Variants in ZNF267 observed in about 807,000 individuals in gnomAD.
ZNF267 encodes zinc finger protein 267.
In ZNF267, 61 loss-of-function variants were observed where a neutral mutation model predicts 71.6. That is an observed-to-expected ratio of 0.85 (90% CI 0.69 to 1.05). The LOEUF (loss-of-function observed/expected upper bound fraction) is 1.05, where lower values mean the gene tolerates loss of function less well. ZNF267 is among the 50% of genes least tolerant of loss of function. ZNF267 has a pLI of 0.00. For synonymous variants in ZNF267, 288 were observed against 293.2 expected, an observed-to-expected ratio of 0.98 and a Z score of 0.18; for missense variants, 852 against 870.0, an observed-to-expected ratio of 0.98 and a Z score of 0.26.
At chr16:31,911,933 A>G (rs558283414) in intron 3 of ZNF267, 1 of 151,728 alleles carries the variant, frequency 6.6e-6, no homozygotes, top group South Asian at 2.1e-4. Context: ...ATAAGCAATA[A>G]GAAAACTAGT....
chr16:31,901,380 A>G (rs1596624426), intron 3 of ZNF267, among the ~76,000 whole-genome samples: 2 of 152,330 alleles, frequency 1.3e-5, no homozygotes, highest in East Asian at 3.9e-4. Flanking sequence ...CGCCACACCA[A>G]CTTTCACAAT....
Position 31,916,887 on chromosome 16 carries a change from CACAG to C in ZNF267, c.*410_*413del, listed in dbSNP as rs1207076443. 11 of 170,138 alleles carry C rather than the reference CACAG, an allele frequency of 6.5e-5. No homozygotes were observed. Among genetic ancestry groups the C allele is most frequent in the Admixed American group, 5.5e-4 (10 of 18,118 alleles). The allele number at this position is 170,138 out of a possible 1,614,324, so 10.5% of individuals were successfully genotyped here. On this transcript the variant is annotated 3_prime_UTR_variant, in exon 4 of 4. Coordinates refer to ENST00000300870, the MANE Select transcript of ZNF267 (RefSeq NM_003414.6). The stretch of plus-strand genomic sequence containing the variant: ...GAATTTATGTGAGAAAGGACTAAAG[CACAG>C]ACACTTTCAGCCTTTATACTAAATA...
intron 3 of ZNF267, among the ~76,000 whole-genome samples, chr16:31,900,753 C>G (rs1016493025): frequency 7.8e-5 from 6 of 76,994 alleles, no homozygotes; most frequent in Non-Finnish European, 1.9e-4. Context: ...CCCAAGAATT[C>G]TTTCTTTTTT....
chr16:31,915,603 A>C lies in ZNF267; in HGVS notation c.1354A>C (p.Thr452Pro). 1 of 1,613,834 alleles carries C rather than the reference A, an allele frequency of 6.2e-7. No homozygotes were observed. Among genetic ancestry groups the C allele is most frequent in the Non-Finnish European group, 8.5e-7 (1 of 1,179,966 alleles). The change falls in exon 4 of 4, where the codon ACT becomes CCT. Residue 452 changes from threonine to proline, a missense_variant. Thr to Pro is a conservative substitution (Grantham distance 38). Coordinates refer to ENST00000300870, the MANE Select transcript of ZNF267 (RefSeq NM_003414.6). ...GKAFNRSSCL[T>P]QHQTTHTGEK... ...AGCTTTTAACCGTAGTTCATGCCTT[A>C]CTCAACATCAGACAACTCATACAGG...
rs947426453 is a variant in ZNF267, at chr16:31,916,768, A to G, written c.*287A>G. The G allele has an allele frequency of 3.2e-6, 1 of 313,124 alleles. No homozygotes were observed. The allele number at this position is 313,124 out of a possible 1,614,324, so 19.4% of individuals were successfully genotyped here. On this transcript the variant is annotated 3_prime_UTR_variant, in exon 4 of 4. Coordinates refer to ENST00000300870, the MANE Select transcript of ZNF267 (RefSeq NM_003414.6). ...AAGTTTTATTCAAAATATCAAACTT[A>G]TGAGTCACCTAGGGGTTCATAGAAA...
intron 3 of ZNF267, chr16:31,913,458 C>T (rs1288236741): frequency 1.3e-5 from 2 of 152,252 alleles, no homozygotes; most frequent in Non-Finnish European, 2.9e-5. Flanking sequence ...TACTGCCTGG[C>T]TACCACCTAA....
intron 3 of ZNF267, among the ~76,000 whole-genome samples, chr16:31,896,815 C>G (rs2084002689): frequency 6.6e-6 from 1 of 151,998 alleles, no homozygotes; most frequent in Admixed American, 6.6e-5. Flanking sequence ...GTGAAGAATG[C>G]TGGTGACTTT....
Position 31,914,600 on chromosome 16 carries a change from G to C in ZNF267, c.351G>C (p.Trp117Cys). ...AGAATTTACATTTAAGAAAAAGGTG[G>C]AAAAGGGAGGAGTGTGAAGGGCACA... is the stretch of plus-strand genomic sequence containing the variant. ...DLENLHLRKR[W>C]KREECEGHNG... is the part of the protein sequence containing the mutation. Residue 117 changes from tryptophan (W) to cysteine (C), a missense_variant, in exon 4 of 4, where the codon TGG becomes TGC. Physicochemically the swap from Trp to Cys is radical, Grantham distance 215. Transcript: ENST00000300870. The C allele has an allele frequency of 6.2e-7, 1 of 1,614,128 alleles. No individual in the cohort carries two copies. Among genetic ancestry groups the C allele is most frequent in the Non-Finnish European group, 8.5e-7 (1 of 1,180,020 alleles).
intron 3 of ZNF267, among the ~76,000 whole-genome samples, chr16:31,900,783 A>T (rs1339280115): frequency 5.6e-5 from 8 of 142,380 alleles, no homozygotes; most frequent in African/African-American, 7.7e-5. Flanking sequence ...TTAATTTTTA[A>T]CTTATTTTTA....
At chr16:31,892,095 C>G (rs1045637303) in intron 3 of ZNF267, among the ~76,000 whole-genome samples, 4 of 151,946 alleles carry the variant, frequency 2.6e-5, no homozygotes, top group Non-Finnish European at 5.9e-5. Context: ...AAAGACATAC[C>G]CAAGACTGGG....
Position 31,914,545 on chromosome 16 carries a change from T to C in ZNF267, c.296T>C (p.Ile99Thr). Residue 99 changes from isoleucine to threonine, a missense_variant, in exon 4 of 4, where the codon ATA (isoleucine) becomes ACA (threonine). Ile to Thr is a moderately conservative substitution (Grantham distance 89, BLOSUM62 -1). Transcript: ENST00000300870. ...HCTEASFQKVISRRHGSCDLE... is the reference protein window; with the variant it reads ...HCTEASFQKVTSRRHGSCDLE... ...ACAGAAGCTTCATTCCAAAAAGTGA[T>C]ATCGAGGAGACATGGGAGCTGTGAT... is the stretch of plus-strand genomic sequence containing the variant. 1 of 1,614,092 alleles carries C rather than the reference T, an allele frequency of 6.2e-7. No individual in the cohort carries two copies.
intron 3 of ZNF267, chr16:31,912,136 A>G (rs181272238): frequency 2.0e-5 from 3 of 151,734 alleles, no homozygotes; most frequent in Admixed American, 6.6e-5. Context: ...GCTATTACCA[A>G]TGAGTTCTGT....
At chr16:31,900,430 T>C (rs757071864) in intron 3 of ZNF267, among the ~76,000 whole-genome samples, 1 of 152,164 alleles carries the variant, frequency 6.6e-6, no homozygotes, top group Non-Finnish European at 1.5e-5. Flanking sequence ...TTAGCTTTTA[T>C]TAAGAATTCT....
Position 31,916,648 on chromosome 16 carries a change from A to G in ZNF267, c.*167A>G. On this transcript the variant is annotated 3_prime_UTR_variant, in exon 4 of 4. Transcript: ENST00000300870. ...GAATATAAACTGAAAAAATCCATAC[A>G]AATATTAAAAATGTGGCAAATTATT... The G allele has an allele frequency of 1.4e-6, 1 of 730,556 alleles. No homozygotes were observed. Among genetic ancestry groups the G allele is most frequent in the Non-Finnish European group, 2.2e-6 (1 of 462,634 alleles). The allele number at this position is 730,556 out of a possible 1,614,324, so 45.3% of individuals were successfully genotyped here. A position where few individuals can be genotyped will look rare whatever the true frequency, so the allele number is the denominator to read the frequency against.
intron 3 of ZNF267, among the ~76,000 whole-genome samples, chr16:31,907,819 G>A (rs1270854549): frequency 2.0e-5 from 3 of 151,848 alleles, no homozygotes; most frequent in Non-Finnish European, 4.4e-5. Context: ...GGTGGATCAC[G>A]AGGTCAGGAG....
At chr16:31,878,619 G>A (rs562773446) in intron 1 of ZNF267, among the ~76,000 whole-genome samples, 2 of 39,144 alleles carry the variant, frequency 5.1e-5, no homozygotes, top group South Asian at 7.5e-3. Flanking sequence ...ATCTGCCTGC[G>A]TGGACCCAGG....
chr16:31,896,963 T>C (rs1042089015), intron 3 of ZNF267, among the ~76,000 whole-genome samples: 1 of 152,054 alleles, frequency 6.6e-6, no homozygotes, highest in Non-Finnish European at 1.5e-5. Context: ...CTTTGTAGTT[T>C]TAATGTAGGA....
At chr16:31,912,847 C>T (rs1487641764) in intron 3 of ZNF267, 1 of 151,842 alleles carries the variant, frequency 6.6e-6, no homozygotes, top group Non-Finnish European at 1.5e-5. Context: ...TCAATTTCTG[C>T]TTGATTCCTT....
At chr16:31,894,576 A>AT in intron 3 of ZNF267, 1 of 494,690 alleles carries the variant, frequency 2.0e-6, no homozygotes, top group Non-Finnish European at 4.0e-6. Flanking sequence ...TCACCTTTTC[A>AT]TCCAGAGCTT....
Sources: gnomAD v4.1 joint callset for allele counts (sites outside exome capture counted in the v4.1 genomes callset) on GRCh38, gnomAD v4.1.1 for gene constraint, MANE v1.5 for transcripts, NCBI Gene and HGNC (gene_info 2026-07-23, HGNC 2026-07-21) for gene names.